HDAC9: variants seen among roughly 807,000 people sequenced by gnomAD.
The protein encoded by HDAC9 is MEF-2 interacting transcription repressor (MITR) protein.
A neutral mutation model predicts 139.4 loss-of-function variants in HDAC9; 41 were observed. That is an observed-to-expected ratio of 0.29 (90% CI 0.23 to 0.38). The LOEUF (loss-of-function observed/expected upper bound fraction) is 0.38, where lower values mean the gene tolerates loss of function less well. HDAC9 is among the 10% of genes least tolerant of loss of function. The pLI is 1.00. For synonymous variants in HDAC9, 517 were observed against 476.2 expected (o/e 1.09, Z -1.12); for missense variants, 1,147 against 1,297.0 (o/e 0.88, Z 1.78).
At chr7:18,468,684 A>G (rs368162928) in intron 1 of HDAC9, among the ~76,000 whole-genome samples, 7 of 152,310 alleles carry the variant, frequency 4.6e-5, no homozygotes, top group Non-Finnish European at 8.8e-5. Flanking sequence ...CTAAAATTTT[A>G]GTGAGAAGCC....
chr7:18,955,547 C>T (rs1212995215), intron 24 of HDAC9, among the ~76,000 whole-genome samples: 1 of 152,140 alleles, frequency 6.6e-6, no homozygotes, highest in African/African-American at 2.4e-5. Context: ...ATATTCTGAG[C>T]ATATCACTTC....
In HDAC9 at chr7:18,893,055, G is replaced by GAAAAGAA. The variant is rs1554395075; in HGVS notation, c.2803+18462_2803+18468dup. Among the ~76,000 whole-genome samples, 108 of 70,748 alleles carry GAAAAGAA rather than the reference G, an allele frequency of 1.5e-3. 1 individual carries two copies. The highest frequency in any genetic ancestry group is 3.8e-3 in the African/African-American group (79 of 20,792). 46.4% of individuals were successfully genotyped at this position (70,748 alleles called of 152,430 possible). ...GCCGAAAAAAAAAAAAAAAAAAAAA[G>GAAAAGAA]AAAAGAAAAGAACCCTAAGTGCTTT... On this transcript the variant is annotated intron_variant, in intron 22 of 25. Transcript: ENST00000686413.
At chr7:18,360,302 G>T (rs1367697) in intron 1 of HDAC9, among the ~76,000 whole-genome samples, 142,364 of 152,244 alleles carry the variant, frequency 0.94, 66,623 homozygotes, top group East Asian at 1. Context: ...TAAGTGAAAT[G>T]TTCAAGTTTT....
chr7:18,851,669 T>G (rs1358948838), intron 21 of HDAC9, among the ~76,000 whole-genome samples: 1 of 152,222 alleles, frequency 6.6e-6, no homozygotes, highest in Non-Finnish European at 1.5e-5. Flanking sequence ...CTTGAAAGGT[T>G]AAGAACACAT....
chr7:18,372,421 A>G (rs1257426811), intron 1 of HDAC9, among the ~76,000 whole-genome samples: 1 of 152,218 alleles, frequency 6.6e-6, no homozygotes, highest in African/African-American at 2.4e-5. Context: ...ACCACAGCAG[A>G]GAGCTGGTGA....
chr7:18,631,703 G>C (rs1434068891), intron 7 of HDAC9, among the ~76,000 whole-genome samples: 1 of 151,570 alleles, frequency 6.6e-6, no homozygotes, highest in Non-Finnish European at 1.5e-5. Flanking sequence ...CCTACAAAAA[G>C]TCCTGTTCTT....
intron 25 of HDAC9, 124 bp from the exon 26 acceptor site, chr7:18,995,899 G>A: frequency 1.6e-6 from 1 of 642,698 alleles, no homozygotes; most frequent in Admixed American, 2.8e-5. Flanking sequence ...TCTATTTATG[G>A]ATAACTGAAT....
chr7:18,251,369 G>A (rs377680926), intron 2 of HDAC9, among the ~76,000 whole-genome samples: 10 of 152,080 alleles, frequency 6.6e-5, no homozygotes, highest in Non-Finnish European at 1.0e-4. Flanking sequence ...GAAGAGTGGT[G>A]GGGGGAGGGA....
intron 1 of HDAC9, among the ~76,000 whole-genome samples, chr7:18,158,164 A>G (rs1787365847): frequency 6.6e-6 from 1 of 152,070 alleles, no homozygotes; most frequent in Non-Finnish European, 1.5e-5. Context: ...TATCCAAAAT[A>G]ATACTAATTA....
chr7:18,864,244 CAG>C (rs1798322974), intron 21 of HDAC9, among the ~76,000 whole-genome samples: 1 of 152,090 alleles, frequency 6.6e-6, no homozygotes, highest in Non-Finnish European at 1.5e-5. Context: ...TGGATGAACC[CAG>C]AGACATTATG....
intron 22 of HDAC9, among the ~76,000 whole-genome samples, chr7:18,895,331 T>C (rs1331719348): frequency 6.6e-6 from 1 of 152,006 alleles, no homozygotes; most frequent in Non-Finnish European, 1.5e-5. Flanking sequence ...AAAAGGAAAG[T>C]GAGACAATGT....
intron 11 of HDAC9, among the ~76,000 whole-genome samples, chr7:18,665,327 A>G (rs923586374): frequency 1.3e-5 from 2 of 152,124 alleles, no homozygotes; most frequent in Non-Finnish European, 2.9e-5. Flanking sequence ...CCACTGTGAA[A>G]TAAAACAAAT....
At chr7:18,548,948 A>G (rs1470806647) in intron 2 of HDAC9, among the ~76,000 whole-genome samples, 1 of 152,170 alleles carries the variant, frequency 6.6e-6, no homozygotes, top group Non-Finnish European at 1.5e-5. Flanking sequence ...CTTTAAAGAT[A>G]TAAAAAATAG....
intron 23 of HDAC9, among the ~76,000 whole-genome samples, chr7:18,946,036 C>CAAAATAAAAAAAAAAAAAAAAAA (rs1563077235): frequency 1.6e-4 from 6 of 38,276 alleles, no homozygotes; most frequent in Non-Finnish European, 3.1e-4. Context: ...GACTCCGTCT[C>CAAAATAAAAAAAAAAAAAAAAAA]AAAAAAAAAA....
At chr7:18,701,407 C>A (rs56265723) in intron 12 of HDAC9, among the ~76,000 whole-genome samples, 34,514 of 116,842 alleles carry the variant, frequency 0.3, 4,290 homozygotes, top group African/African-American at 0.45. Flanking sequence ...TAAAAAAAAA[C>A]AAAACAAACA....
chr7:18,346,544 A>G (rs1295094059), intron 1 of HDAC9, among the ~76,000 whole-genome samples: 2 of 152,152 alleles, frequency 1.3e-5, no homozygotes, highest in Non-Finnish European at 2.9e-5. Context: ...TTTACCTTAG[A>G]TTGAAGAGGA....
chr7:18,938,484 A>C (rs915069493), intron 23 of HDAC9, among the ~76,000 whole-genome samples: 16 of 150,580 alleles, frequency 1.1e-4, no homozygotes, highest in Non-Finnish European at 4.4e-5. Context: ...AGTCCCAGCT[A>C]CTCCGGAGCC....
intron 1 of HDAC9, among the ~76,000 whole-genome samples, chr7:18,392,313 T>TCACA (rs772738821): frequency 0.023 from 2,533 of 110,940 alleles, 38 homozygotes; most frequent in African/African-American, 0.072. Context: ...TCTCTCTCTC[T>TCACA]CTCACACACA....
At chr7:18,433,076 G>A (rs1011452959) in intron 1 of HDAC9, among the ~76,000 whole-genome samples, 3 of 152,030 alleles carry the variant, frequency 2.0e-5, no homozygotes, top group Admixed American at 1.3e-4. Context: ...CCTGGGATGC[G>A]AGGTTGCTTT....
Sources: allele counts gnomAD v4.1 joint callset (sites outside exome capture counted in the v4.1 genomes callset), GRCh38; gene constraint gnomAD v4.1.1; transcripts MANE v1.5; gene names NCBI Gene and HGNC (gene_info 2026-07-23, HGNC 2026-07-21).